SLC6A11: variants seen among roughly 807,000 people sequenced by gnomAD.
The protein encoded by SLC6A11 is sodium- and chloride-dependent GABA transporter 3.
In SLC6A11, 25 loss-of-function variants were observed where a neutral mutation model predicts 74.8. That is an observed-to-expected ratio of 0.33 (90% confidence interval 0.24 to 0.47). The LOEUF (loss-of-function observed/expected upper bound fraction) is 0.47. Ranked by LOEUF, SLC6A11 falls within the 20% of genes least tolerant of loss-of-function variation. The pLI is 1.00. For missense variants in SLC6A11, 574 were observed against 837.0 expected (o/e 0.69, Z 3.88); for synonymous variants, 330 against 330.2 (o/e 1.00, Z 0.01).
chr3:10,922,421 G>A (rs948700900), intron 8 of SLC6A11, among the ~76,000 whole-genome samples: 1 of 152,166 alleles, frequency 6.6e-6, no homozygotes, highest in Non-Finnish European at 1.5e-5. Context: ...TGGTGTGTGT[G>A]TGTAAAAGTT....
intron 3 of SLC6A11, 44 bp from the exon 4 acceptor site, chr3:10,823,258 T>G: frequency 5.2e-4 from 724 of 1,395,888 alleles, no homozygotes; most frequent in Non-Finnish European, 6.8e-4. Flanking sequence ...TCAGCTTTCA[T>G]GGAGATTAAT....
At chr3:10,928,541 C>T (rs1695640804) in intron 9 of SLC6A11, among the ~76,000 whole-genome samples, 1 of 152,100 alleles carries the variant, frequency 6.6e-6, no homozygotes. Context: ...TTGTACCTGG[C>T]CCTGTGCTTA....
At chr3:10,838,136 C>T (rs1694390614) in intron 4 of SLC6A11, among the ~76,000 whole-genome samples, 3 of 152,216 alleles carry the variant, frequency 2.0e-5, no homozygotes, top group Admixed American at 1.3e-4. Flanking sequence ...ATGAGGCCAC[C>T]CCAGGCTGGG....
intron 6 of SLC6A11, among the ~76,000 whole-genome samples, chr3:10,891,126 A>G (rs1378711052): frequency 6.6e-6 from 1 of 152,150 alleles, no homozygotes; most frequent in African/African-American, 2.4e-5. Context: ...AGCCTCTCAG[A>G]CTTCTATTTG....
intron 7 of SLC6A11, among the ~76,000 whole-genome samples, chr3:10,917,704 G>A (rs1424107958): frequency 6.6e-6 from 1 of 152,206 alleles, no homozygotes; most frequent in Non-Finnish European, 1.5e-5. Context: ...CCCAAGAGCA[G>A]GGGACAGTCA....
intron 4 of SLC6A11, chr3:10,825,304 T>G (rs1201273412): frequency 6.6e-6 from 1 of 152,262 alleles, no homozygotes; most frequent in Admixed American, 6.5e-5. Flanking sequence ...GGGCATTAAA[T>G]GATAACTTAC....
chr3:10,864,445 C>T (rs567578657), intron 5 of SLC6A11, among the ~76,000 whole-genome samples: 1 of 151,934 alleles, frequency 6.6e-6, no homozygotes, highest in Admixed American at 6.5e-5. Flanking sequence ...AATGGAGAGC[C>T]CCCAAGCTCC....
intron 5 of SLC6A11, among the ~76,000 whole-genome samples, chr3:10,865,290 C>T (rs1694750196): frequency 6.6e-6 from 1 of 152,230 alleles, no homozygotes; most frequent in Non-Finnish European, 1.5e-5. Flanking sequence ...CAAGCCCATG[C>T]ATGCGCCTTG....
chr3:10,879,301 A>G (rs1694947166), intron 6 of SLC6A11, among the ~76,000 whole-genome samples: 2 of 152,320 alleles, frequency 1.3e-5, no homozygotes, highest in Admixed American at 6.5e-5. Context: ...TTTCTGTGGC[A>G]TAAATAAGGA....
At chr3:10,856,557 G>A (rs1694640438) in intron 5 of SLC6A11, among the ~76,000 whole-genome samples, 1 of 152,184 alleles carries the variant, frequency 6.6e-6, no homozygotes, top group African/African-American at 2.4e-5. Context: ...TCACACAGTT[G>A]GTGGAGGAGT....
intron 4 of SLC6A11, among the ~76,000 whole-genome samples, chr3:10,829,591 C>A (rs1442976032): frequency 6.6e-6 from 1 of 151,956 alleles, no homozygotes; most frequent in African/African-American, 2.4e-5. Flanking sequence ...TTCTAGAGCC[C>A]AGTTTAAGCA....
intron 6 of SLC6A11, among the ~76,000 whole-genome samples, chr3:10,878,827 C>T (rs1215442776): frequency 6.6e-6 from 1 of 152,166 alleles, no homozygotes. Flanking sequence ...ACCTACATAT[C>T]CTATATATTT....
At chr3:10,900,653 G>A (rs1695229096) in intron 6 of SLC6A11, among the ~76,000 whole-genome samples, 1 of 152,176 alleles carries the variant, frequency 6.6e-6, no homozygotes, top group African/African-American at 2.4e-5. Context: ...TTCATTTCCT[G>A]GCTTTGAACA....
At chr3:10,905,629 T>C (rs1468327706) in intron 6 of SLC6A11, among the ~76,000 whole-genome samples, 1 of 152,248 alleles carries the variant, frequency 6.6e-6, no homozygotes, top group African/African-American at 2.4e-5. Flanking sequence ...TTAGTTCCTT[T>C]CTAGACTGAG....
intron 6 of SLC6A11, among the ~76,000 whole-genome samples, chr3:10,888,865 G>A (rs980717333): frequency 6.6e-6 from 1 of 152,188 alleles, no homozygotes; most frequent in Non-Finnish European, 1.5e-5. Flanking sequence ...CTGTATGCCA[G>A]GCATGATGCC....
chr3:10,852,047 G>T (rs1441530960), intron 5 of SLC6A11, among the ~76,000 whole-genome samples: 1 of 152,228 alleles, frequency 6.6e-6, no homozygotes. Flanking sequence ...AGTAGAGGGG[G>T]ACTGGGGAAA....
rs914948384 is a variant in SLC6A11 at position 10,940,654 on chromosome 3, A to G, written c.*2252A>G. The G allele has an allele frequency of 1.3e-5, 2 of 152,218 alleles. No individual in the cohort carries two copies. The highest frequency in any genetic ancestry group is 6.5e-5 in the Admixed American group (1 of 15,288). The allele number at this position is 152,218 out of a possible 1,614,324, so 9.4% of individuals were successfully genotyped here. On this transcript the variant is annotated 3_prime_UTR_variant, in exon 14 of 14. Transcript: ENST00000254488. ...TGCATAATGAACATTTTTATTGGGC[A>G]TTCAAAGGGTGCAAGATTGTCTGCT...
At chr3:10,828,103 G>T (rs143099712) in intron 4 of SLC6A11, among the ~76,000 whole-genome samples, 70 of 152,300 alleles carry the variant, frequency 4.6e-4, no homozygotes, top group African/African-American at 1.2e-3. Context: ...TGTACCCTCT[G>T]GTGGGATTGA....
chr3:10,904,265 T>C (rs3774096), intron 6 of SLC6A11, among the ~76,000 whole-genome samples: 3,160 of 152,332 alleles, frequency 0.021, 108 homozygotes, highest in East Asian at 0.16. Context: ...TGGTCATAGC[T>C]GGGAAGGTGG....
Sources: gnomAD v4.1 joint callset for allele counts (sites outside exome capture counted in the v4.1 genomes callset) on GRCh38, gnomAD v4.1.1 for gene constraint, MANE v1.5 for transcripts, NCBI Gene and HGNC (gene_info 2026-07-23, HGNC 2026-07-21) for gene names.